PTPRT: variants seen among roughly 807,000 people sequenced by gnomAD.
The protein encoded by PTPRT is receptor-type tyrosine-protein phosphatase T.
A neutral mutation model predicts 176.8 loss-of-function variants in PTPRT; 56 were observed. That is an observed-to-expected ratio of 0.32 (90% CI 0.26 to 0.40). The LOEUF (loss-of-function observed/expected upper bound fraction) is 0.40. Among genes scored for constraint, PTPRT ranks in the 10% least tolerant of loss-of-function variants. The pLI is 1.00. For synonymous variants in PTPRT, 783 were observed against 739.0 expected (o/e 1.06, Z -0.96); for missense variants, 1,540 against 1,908.2 (o/e 0.81, Z 3.60).
At chr20:43,043,868 T>C (rs993865484) in intron 1 of PTPRT, among the ~76,000 whole-genome samples, 9 of 152,142 alleles carry the variant, frequency 5.9e-5, no homozygotes, top group African/African-American at 2.2e-4. Flanking sequence ...TGCTTTCACA[T>C]CACAAGGCTG....
intron 1 of PTPRT, among the ~76,000 whole-genome samples, chr20:43,090,869 GA>G (rs2011816077): frequency 1.3e-5 from 2 of 151,986 alleles, no homozygotes; most frequent in Admixed American, 6.6e-5. Context: ...ATACTTCACA[GA>G]AATGAAGAAA....
intron 2 of PTPRT, among the ~76,000 whole-genome samples, chr20:42,822,029 TGA>T (rs1214732479): frequency 6.6e-6 from 1 of 152,120 alleles, no homozygotes; most frequent in Non-Finnish European, 1.5e-5. Context: ...AAACTACCAT[TGA>T]CATTACTCAC....
In PTPRT at chr20:42,798,133, C is replaced by T. The variant is rs139194579; in HGVS notation, c.215-6667G>A. Among the ~76,000 whole-genome samples, 92 of 152,240 alleles carry T rather than the reference C, an allele frequency of 6.0e-4. 1 individual carries two copies. Among genetic ancestry groups the T allele is most frequent in the Non-Finnish European group, 1.0e-3 (70 of 68,014 alleles). ...CAGGTGATACCCTTCCTGAAATCCA[C>T]GCCACCCAGCTCAGCCATGGTCCTT... On this transcript the variant is annotated intron_variant, in intron 2 of 30. Coordinates refer to ENST00000373187, the MANE Select transcript of PTPRT (RefSeq NM_007050.6).
Position 42,248,750 on chromosome 20 carries a change from A to C in PTPRT, c.2249T>G (p.Val750Gly), listed in dbSNP as rs1568707884. The stretch of plus-strand genomic sequence containing the variant: ...GATGAACATGAGGAGGCCAGCGATC[A>C]CGCCAGCCATCTTCACGGTGTTGTC... Reference protein sequence around the residue: ...QVDNTVKMAGVIAGLLMFIII... With the variant: ...QVDNTVKMAGGIAGLLMFIII... The change falls in exon 14 of 31, where the codon GTG becomes GGG. Residue 750 changes from valine to glycine, a missense_variant. Coordinates refer to ENST00000373187, the MANE Select transcript of PTPRT (RefSeq NM_007050.6). The C allele has an allele frequency of 1.9e-6, 3 of 1,614,072 alleles. No homozygotes were observed. Among genetic ancestry groups the C allele is most frequent in the Non-Finnish European group, 2.5e-6 (3 of 1,179,958 alleles).
At chr20:42,757,500 G>A (rs2076852092) in intron 5 of PTPRT, among the ~76,000 whole-genome samples, 1 of 152,150 alleles carries the variant, frequency 6.6e-6, no homozygotes, top group Non-Finnish European at 1.5e-5. Flanking sequence ...TGCCTGGAGG[G>A]TCTGGTCTCC....
chr20:43,141,876 A>G (rs1022218845), intron 1 of PTPRT, among the ~76,000 whole-genome samples: 3 of 152,214 alleles, frequency 2.0e-5, no homozygotes, highest in African/African-American at 7.2e-5. Context: ...GAGTATCCAC[A>G]GAACCATTCC....
chr20:42,427,689 A>G (rs1366403819), intron 9 of PTPRT, among the ~76,000 whole-genome samples: 4 of 152,208 alleles, frequency 2.6e-5, no homozygotes, highest in African/African-American at 9.7e-5. Flanking sequence ...AGGCCAGGCC[A>G]TCGCATCCCC....
intron 1 of PTPRT, among the ~76,000 whole-genome samples, chr20:42,956,026 G>T (rs947120476): frequency 1.3e-5 from 2 of 152,164 alleles, no homozygotes; most frequent in Admixed American, 6.5e-5. Context: ...TTTATCTGCT[G>T]CCTTGGTTCC....
intron 7 of PTPRT, among the ~76,000 whole-genome samples, chr20:42,512,925 T>A (rs1020663655): frequency 6.6e-6 from 1 of 152,144 alleles, no homozygotes; most frequent in African/African-American, 2.4e-5. Flanking sequence ...AATGGCATGA[T>A]CTTGGCTCAC....
chr20:42,092,478 G>A (rs1984721983), intron 27 of PTPRT, among the ~76,000 whole-genome samples: 1 of 152,168 alleles, frequency 6.6e-6, no homozygotes, highest in Admixed American at 6.5e-5. Context: ...TTAAGACTTG[G>A]AGAAAGTAAA....
chr20:42,333,697 G>C (rs1027831403), intron 11 of PTPRT, among the ~76,000 whole-genome samples: 10 of 152,002 alleles, frequency 6.6e-5, no homozygotes, highest in Non-Finnish European at 1.3e-4. Flanking sequence ...TCCTTTTCTT[G>C]AGATGGAGTC....
chr20:42,730,078 C>T (rs2076437648), intron 6 of PTPRT, among the ~76,000 whole-genome samples: 1 of 152,164 alleles, frequency 6.6e-6, no homozygotes, highest in Non-Finnish European at 1.5e-5. Context: ...AAGTATGACA[C>T]CAAACACATG....
intron 1 of PTPRT, among the ~76,000 whole-genome samples, chr20:42,963,840 T>C (rs1982144431): frequency 2.6e-5 from 4 of 152,130 alleles, no homozygotes; most frequent in Admixed American, 2.0e-4. Flanking sequence ...GCTAAACGTA[T>C]CCAAGAGTAA....
chr20:42,874,206 G>C (rs1385377561), intron 2 of PTPRT, among the ~76,000 whole-genome samples: 3 of 152,164 alleles, frequency 2.0e-5, no homozygotes, highest in African/African-American at 7.2e-5. Context: ...GCAGGAAACA[G>C]AGGAATCTTG....
intron 8 of PTPRT, among the ~76,000 whole-genome samples, chr20:42,454,288 TA>T (rs1310922109): frequency 6.6e-6 from 1 of 152,178 alleles, no homozygotes; most frequent in Non-Finnish European, 1.5e-5. Context: ...TCTTACAATA[TA>T]ATTTATTGGA....
At chr20:43,165,175 T>G (rs1044605039) in intron 1 of PTPRT, among the ~76,000 whole-genome samples, 1 of 147,890 alleles carries the variant, frequency 6.8e-6, no homozygotes, top group Non-Finnish European at 1.5e-5. Flanking sequence ...TTTTTTTTTT[T>G]GAGACTGAGT....
intron 1 of PTPRT, among the ~76,000 whole-genome samples, chr20:42,973,588 C>G (rs1317123770): frequency 6.6e-6 from 1 of 152,148 alleles, no homozygotes; most frequent in African/African-American, 2.4e-5. Context: ...ACCTCAGCCC[C>G]TTTTCCCACA....
intron 9 of PTPRT, among the ~76,000 whole-genome samples, chr20:42,406,373 A>T (rs1228875575): frequency 4.6e-5 from 7 of 151,852 alleles, no homozygotes; most frequent in Non-Finnish European, 8.8e-5. Flanking sequence ...AAGATATTAA[A>T]TTTTAAAATA....
At position 42,128,149 on chromosome 20, in the gene PTPRT, A is replaced by C. The variant is rs74725031; in HGVS notation, c.2847+605T>G. Among the ~76,000 whole-genome samples, 1,233 of 152,198 alleles carry C rather than the reference A, an allele frequency of 8.1e-3. 11 individuals are homozygous for C. Among genetic ancestry groups the C allele is most frequent in the African/African-American group, 0.028 (1,173 of 41,504 alleles). ...CATCTTGGCTTGTGCTATTCTCTCT[A>C]ACTAGAGGCCCCTCTCCCCTCTCTT... On this transcript the variant is annotated intron_variant, in intron 19 of 30. Coordinates refer to ENST00000373187, the MANE Select transcript of PTPRT (RefSeq NM_007050.6).
Sources: gnomAD v4.1 joint callset for allele counts (sites outside exome capture counted in the v4.1 genomes callset) on GRCh38, gnomAD v4.1.1 for gene constraint, MANE v1.5 for transcripts, NCBI Gene and HGNC (gene_info 2026-07-23, HGNC 2026-07-21) for gene names.